Variants in AP1M1 observed in about 807,000 individuals in gnomAD.
The protein encoded by AP1M1 is AP-1 complex subunit mu-1.
In AP1M1, 18 loss-of-function variants were observed where a neutral mutation model predicts 57.1. The ratio of observed to expected loss-of-function variants is 0.32; its 90% CI spans 0.22 to 0.47. The LOEUF (loss-of-function observed/expected upper bound fraction) is 0.47, where lower values mean the gene tolerates loss of function less well. AP1M1 is among the 20% of genes least tolerant of loss of function. AP1M1 has a pLI of 1.00. For missense variants in AP1M1, 362 were observed against 593.5 expected (o/e 0.61, Z 4.05); for synonymous variants, 241 against 237.9 (o/e 1.01, Z -0.12).
Position 16,206,975 on chromosome 19 carries a change from C to T in AP1M1, c.267+567C>T, listed in dbSNP as rs1017900613. Reference sequence around the variant, plus strand: ...TCAGCTGGGAAGAGGGCGGATTATACAGGAGTGTGGATTTCATTCCACTTC... The same window carrying T: ...TCAGCTGGGAAGAGGGCGGATTATATAGGAGTGTGGATTTCATTCCACTTC... On this transcript the variant is annotated intron_variant, in intron 3 of 11. Transcript: ENST00000291439. This position sits in a 1 kb window ranked among gnomAD's most constrained non-coding sequence, Gnocchi z 4.3. 2.6e-5 allele frequency among the ~76,000 whole-genome samples: 4 copies of T among 152,182 alleles called. No homozygotes were observed. The highest frequency in any genetic ancestry group is 6.5e-5 in the Admixed American group (1 of 15,276).
At position 16,199,417 on chromosome 19, in the gene AP1M1, A is replaced by G. The variant is rs1441460581; in HGVS notation, c.42+1349A>G. Among the ~76,000 whole-genome samples the G allele has an allele frequency of 2.6e-5, 4 of 152,184 alleles. No individual in the cohort carries two copies. In the East Asian group the frequency reaches 7.7e-4, roughly 29 times the overall value. ...CTTCTCCTAAGTCCATCCCAGGTGC[A>G]AGGCAGGTGGCTGCCTGGCCTGTTG... is the stretch of plus-strand genomic sequence containing the variant. On this transcript the variant is annotated intron_variant, in intron 1 of 11. Transcript: ENST00000291439.
intron 5 of AP1M1, among the ~76,000 whole-genome samples, chr19:16,221,949 G>A (rs1391173025): frequency 6.6e-6 from 1 of 152,048 alleles, no homozygotes. Flanking sequence ...GCCTCCCAAA[G>A]TGCTGGGATT....
chr19:16,241,309 CAA>C lies in AP1M1; in HGVS notation c.*6886_*6887del, dbSNP rs3031334. The stretch of plus-strand genomic sequence containing the variant: ...GCTTGGGCAAAGTGAGATTCTGTCT[CAA>C]AAAAAAAAAAAGACAAGATAAAAAC... On this transcript the variant is annotated 3_prime_UTR_variant, in exon 12 of 12. Coordinates refer to ENST00000291439, the MANE Select transcript of AP1M1 (RefSeq NM_032493.4). The C allele has an allele frequency of 2.2e-5, 3 of 135,046 alleles. No individual in the cohort carries two copies. The highest frequency in any genetic ancestry group is 2.3e-4 in the South Asian group (1 of 4,322). 8.4% of individuals were successfully genotyped at this position (135,046 alleles called of 1,614,324 possible).
In AP1M1 at chr19:16,197,988, C is replaced by CACCGCCCTCGGCCGCTGCCGCCGCA; in HGVS notation, c.-19_-18insCCGCAACCGCCCTCGGCCGCTGCCG. The CACCGCCCTCGGCCGCTGCCGCCGCA allele has an allele frequency of 6.5e-7, 1 of 1,545,516 alleles. No individual in the cohort carries two copies. Among genetic ancestry groups the CACCGCCCTCGGCCGCTGCCGCCGCA allele is most frequent in the Non-Finnish European group, 8.7e-7 (1 of 1,148,720 alleles). ...CAGTCCCCACCGTCGCTGCCGCCGC[C>CACCGCCCTCGGCCGCTGCCGCCGCA]ACCGCCCTCGGCCGCTGCCGAGGCC... On this transcript the variant is annotated 5_prime_UTR_variant, in exon 1 of 12. Coordinates refer to ENST00000291439, the MANE Select transcript of AP1M1 (RefSeq NM_032493.4).
chr19:16,205,308 C>T (rs754923479), intron 2 of AP1M1, among the ~76,000 whole-genome samples: 4 of 152,292 alleles, frequency 2.6e-5, no homozygotes, highest in Non-Finnish European at 1.5e-5. Flanking sequence ...ACCCCTCTGG[C>T]TTAGTGGACA....
In AP1M1 at chr19:16,207,888, C is replaced by T. The variant is rs1317978371; in HGVS notation, c.268-131C>T. ...CTGGGTCCAGGGCCCTGTAGCACAC[C>T]ACCGAGCCTGGGAAGTAGGCTGTTG... On this transcript the variant is annotated intron_variant, in intron 3 of 11. Coordinates refer to ENST00000291439, the MANE Select transcript of AP1M1 (RefSeq NM_032493.4). The surrounding 1 kb of genome is among the most constrained non-coding windows in gnomAD (Gnocchi z 4.2). 2 of 1,253,986 alleles carry T rather than the reference C, an allele frequency of 1.6e-6. No individual in the cohort carries two copies. Among genetic ancestry groups the T allele is most frequent in the East Asian group, 2.5e-5 (1 of 40,250 alleles). The allele number at this position is 1,253,986 out of a possible 1,614,324, so 77.7% of individuals were successfully genotyped here.
chr19:16,232,324 C>G (rs1290025987), intron 9 of AP1M1, among the ~76,000 whole-genome samples: 1 of 152,250 alleles, frequency 6.6e-6, no homozygotes, highest in East Asian at 1.9e-4. Context: ...CTACAGCTCT[C>G]ATCGAGAGCA....
chr19:16,231,997 C>T (rs561835382), intron 9 of AP1M1, among the ~76,000 whole-genome samples: 4 of 152,306 alleles, frequency 2.6e-5, no homozygotes, highest in Admixed American at 6.5e-5. Flanking sequence ...AGATCTGGGC[C>T]GGGCCTTGCG....
chr19:16,215,216 GGGGGAGGGGGGAGGGGA>G (rs2145125460), intron 5 of AP1M1, among the ~76,000 whole-genome samples: 1 of 50,812 alleles, frequency 2.0e-5, no homozygotes, highest in East Asian at 6.6e-4. Flanking sequence ...GGGGGGAGAG[GGGGGAGGGGGGAGGGGA>G]GGGGATCACC....
In AP1M1 at chr19:16,234,525, T is replaced by A. The variant is rs2091615752; in HGVS notation, c.*90T>A. 8 of 1,543,310 alleles carry A rather than the reference T, an allele frequency of 5.2e-6. No homozygotes were observed. Among genetic ancestry groups the A allele is most frequent in the Middle Eastern group, 1.7e-4 (1 of 5,856 alleles). On this transcript the variant is annotated 3_prime_UTR_variant, in exon 12 of 12. Coordinates refer to ENST00000291439, the MANE Select transcript of AP1M1 (RefSeq NM_032493.4). ...CCAAACCCACCAGATGGAGGGGCCC[T>A]CCCTGGTCTCTGGCCACCCTCCCAG...
intron 5 of AP1M1, among the ~76,000 whole-genome samples, chr19:16,210,034 T>A (rs2091487028): frequency 6.6e-6 from 1 of 152,050 alleles, no homozygotes; most frequent in Admixed American, 6.6e-5. Context: ...ATCACTGGAG[T>A]CTTCATCGTG....
chr19:16,216,361 C>T (rs1451226165), intron 5 of AP1M1, among the ~76,000 whole-genome samples: 5 of 151,726 alleles, frequency 3.3e-5, no homozygotes, highest in African/African-American at 4.8e-5. Flanking sequence ...AGGAGAATGG[C>T]GTGAACCCAG....
intron 5 of AP1M1, among the ~76,000 whole-genome samples, chr19:16,223,960 C>G (rs1468183868): frequency 6.6e-6 from 1 of 152,216 alleles, no homozygotes; most frequent in Non-Finnish European, 1.5e-5. Context: ...TCATGCAGGT[C>G]ACTCAGGTCC....
chr19:16,210,505 A>G, intron 5 of AP1M1: 1 of 662,314 alleles, frequency 1.5e-6, no homozygotes, highest in Non-Finnish European at 2.8e-6. Flanking sequence ...CAGTAGTTTT[A>G]TTTTTGTCAT....
In AP1M1 at chr19:16,234,678, CAG is replaced by C. The variant is rs1279432749; in HGVS notation, c.*244_*245del. The C allele has an allele frequency of 1.3e-5, 8 of 593,364 alleles. No individual in the cohort carries two copies. The highest frequency in any genetic ancestry group is 2.4e-5 in the Non-Finnish European group (8 of 333,212). 36.8% of individuals were successfully genotyped at this position (593,364 alleles called of 1,614,324 possible). On this transcript the variant is annotated 3_prime_UTR_variant, in exon 12 of 12. Transcript: ENST00000291439. The stretch of plus-strand genomic sequence containing the variant: ...GTTTCTTTGCCCCTGAAGTCAGTTT[CAG>C]GGGAAGGATGTGAAATTTTTCCGTG...
intron 5 of AP1M1, among the ~76,000 whole-genome samples, chr19:16,216,892 A>G (rs73009169): frequency 0.012 from 1,806 of 152,368 alleles, 16 homozygotes; most frequent in Non-Finnish European, 0.021. Context: ...TAGTGGCAGC[A>G]GGATCTGTTC....
Position 16,228,808 on chromosome 19 carries a change from C to G in AP1M1, c.927C>G (p.Asn309Lys). The change falls in exon 9 of 12, where the codon AAC becomes AAG. Residue 309 changes from asparagine to lysine, a missense_variant. Physicochemically the swap from Asn to Lys is moderately conservative, Grantham distance 94. Around this residue, in one of 2 missense-constraint regions of AP1M1, gnomAD observed 337 missense variants for 511.1 expected, o/e 0.66. Transcript: ENST00000291439. The surrounding 1 kb of genome is among the most constrained non-coding windows in gnomAD (Gnocchi z 5.0). Reference sequence around the variant, plus strand: ...TCAAGCGGCGGTCAACAGCCAACAACGTGGAGATCCACATTCCCGTGCCCA... The same window carrying G: ...TCAAGCGGCGGTCAACAGCCAACAAGGTGGAGATCCACATTCCCGTGCCCA... The part of the protein sequence containing the change: ...SQFKRRSTAN[N>K]VEIHIPVPND... 6.2e-7 allele frequency: 1 copy of G among 1,614,158 alleles called. No individual in the cohort carries two copies. The highest frequency in any genetic ancestry group is 8.5e-7 in the Non-Finnish European group (1 of 1,180,022).
In AP1M1 at chr19:16,208,071, T is replaced by C; in HGVS notation, c.320T>C (p.Phe107Ser). 1 of 1,613,662 alleles carries C rather than the reference T, an allele frequency of 6.2e-7. No homozygotes were observed. Among genetic ancestry groups the C allele is most frequent in the Non-Finnish European group, 8.5e-7 (1 of 1,179,858 alleles). Reference sequence around the variant, plus strand: ...GAGGAGGAGAGCATCCGGGACAACTTTGTTATCATCTACGAGCTGCTGGAC... The same window carrying C: ...GAGGAGGAGAGCATCCGGGACAACTCTGTTATCATCTACGAGCTGCTGGAC... ...ELEEESIRDN[F>S]VIIYELLDEL... The change falls in exon 4 of 12, where the codon TTT (phenylalanine) becomes TCT (serine). Residue 107 changes from phenylalanine (F) to serine (S), a missense_variant. Physicochemically the swap from Phe to Ser is radical, Grantham distance 155. Transcript: ENST00000291439.
rs2091476170 is a variant in AP1M1 at position 16,207,934 on chromosome 19, G to A, written c.268-85G>A. ...TGTTGGTAGGACTTAGCGGGCAAAT[G>A]AATGTGTGCAAGCGTTCATTCATTC... On this transcript the variant is annotated intron_variant, in intron 3 of 11. Transcript: ENST00000291439. The surrounding 1 kb of genome is among the most constrained non-coding windows in gnomAD (Gnocchi z 4.2). 6.7e-7 allele frequency: 1 copy of A among 1,500,234 alleles called. No individual in the cohort carries two copies. Among genetic ancestry groups the A allele is most frequent in the African/African-American group, 1.4e-5 (1 of 71,860 alleles). 92.9% of individuals were successfully genotyped at this position (1,500,234 alleles called of 1,614,324 possible).
Sources: gnomAD v4.1 joint callset for allele counts (sites outside exome capture counted in the v4.1 genomes callset) on GRCh38, gnomAD v4.1.1 for gene constraint, gnomAD v4.1.1 regional missense constraint, Gnocchi (gnomAD v3.1) non-coding constraint, MANE v1.5 for transcripts, NCBI Gene and HGNC (gene_info 2026-07-23, HGNC 2026-07-21) for gene names.